PSG2: variants seen among roughly 807,000 people sequenced by gnomAD.
PSG2 encodes the protein pregnancy specific beta-1-glycoprotein 2, also known as pregnancy-specific beta-1-glycoprotein 2.
Under a neutral mutation model 36.2 loss-of-function variants are expected in PSG2, and 49 were observed. The ratio of observed to expected loss-of-function variants is 1.35; its 90% CI spans 1.08 to 1.72. The LOEUF is 1.72. Among genes scored for constraint, PSG2 ranks in the 40% most tolerant of loss-of-function variants. The pLI is 0.00. For synonymous variants in PSG2, 261 were observed against 155.6 expected (o/e 1.68, Z -5.04); for missense variants, 605 against 407.2 (o/e 1.49, Z -4.18).
intron 4 of PSG2, among the ~76,000 whole-genome samples, chr19:43,067,245 C>T (rs558988273): frequency 1.2e-4 from 18 of 151,428 alleles, no homozygotes; most frequent in South Asian, 8.3e-4. Flanking sequence ...TGGGTTCTCC[C>T]ATACTACCTT....
At position 43,081,144 on chromosome 19, in the gene PSG2, T is replaced by C; in HGVS notation, c.167A>G (p.His56Arg). 9 of 1,612,802 alleles carry C rather than the reference T, an allele frequency of 5.6e-6. No individual in the cohort carries two copies. Among genetic ancestry groups the C allele is most frequent in the Non-Finnish European group, 7.6e-6 (9 of 1,179,668 alleles). ...SEGKDVLLLV[H>R]NLPQNLTGYI... ...GCCAGTAAGATTCTGGGGCAAATTG[T>C]GGACAAGTAGAAGAACATCCTTCCC... is the stretch of plus-strand genomic sequence containing the variant. The change falls in exon 2 of 6, where the codon CAC (histidine) becomes CGC (arginine). Residue 56 changes from histidine to arginine, a missense_variant. Physicochemically the swap from His to Arg is conservative, Grantham distance 29. Transcript: ENST00000406487.
chr19:43,064,795 G>C (rs759373096), intron 5 of PSG2, among the ~76,000 whole-genome samples, 194 bp from the exon 6 acceptor site: 4 of 151,706 alleles, frequency 2.6e-5, no homozygotes, highest in Non-Finnish European at 4.4e-5. Flanking sequence ...TAACATATTT[G>C]ATTTTCAGAA....
rs1245045843 is a variant in PSG2 at position 43,081,210 on chromosome 19, G to A, written c.101C>T (p.Ala34Val). Residue 34 changes from alanine to valine, a missense_variant, in exon 2 of 6, where the codon GCC (alanine) becomes GTC (valine). Ala to Val is a moderately conservative substitution (Grantham distance 64). Transcript: ENST00000406487. ...TGGCTGGGCTTCAATCGTGACTTGG[G>A]CAGTGGTGGGCAGGTTCCAGAAGTT... ...LLNFWNLPTTAQVTIEAQPPK... is the reference protein window; with the variant it reads ...LLNFWNLPTTVQVTIEAQPPK... 2 of 1,612,574 alleles carry A rather than the reference G, an allele frequency of 1.2e-6. No homozygotes were observed. Among genetic ancestry groups the A allele is most frequent in the East Asian group, 2.2e-5 (1 of 44,830 alleles).
chr19:43,082,494 T>A lies in PSG2; in HGVS notation c.64+12A>T, dbSNP rs1967995039. 6.2e-7 allele frequency: 1 copy of A among 1,610,158 alleles called. No homozygotes were observed. The highest frequency in any genetic ancestry group is 1.7e-5 in the Admixed American group (1 of 59,876). On this transcript the variant is annotated intron_variant, in intron 1 of 5. Coordinates refer to ENST00000406487, the MANE Select transcript of PSG2 (RefSeq NM_031246.4). ...CCTCCTCCTGTCCTCTCCCAGGAAG[T>A]TCTCTCCTCACCTGTGACCAGGAGC... is the stretch of plus-strand genomic sequence containing the variant.
chr19:43,076,809 A>G (rs1967902925), intron 2 of PSG2, among the ~76,000 whole-genome samples: 1 of 144,438 alleles, frequency 6.9e-6, no homozygotes, highest in Admixed American at 6.8e-5. Flanking sequence ...CTTAAAACAA[A>G]GTGTTTTGGA....
In PSG2 at chr19:43,079,227, T is replaced by G. The variant is rs1447294348; in HGVS notation, c.430+1654A>C. Among the ~76,000 whole-genome samples the G allele has an allele frequency of 1.8e-4, 27 of 151,542 alleles. 2 individuals are homozygous for G. Among genetic ancestry groups the G allele is most frequent in the South Asian group, 1.0e-3 (5 of 4,790 alleles). ...CACCATGGCAGTGAGCAGTGAGGGC[T>G]ACACTGACGTCAGAGACCCCAGGGA... is the stretch of plus-strand genomic sequence containing the variant. On this transcript the variant is annotated intron_variant, in intron 2 of 5. Transcript: ENST00000406487.
At chr19:43,070,395 C>A (rs1408627296) in intron 4 of PSG2, among the ~76,000 whole-genome samples, 1 of 151,668 alleles carries the variant, frequency 6.6e-6, no homozygotes, top group African/African-American at 2.4e-5. Context: ...TATTTGTGCA[C>A]TGATGTTCAG....
At chr19:43,080,543 A>G (rs773727621) in intron 2 of PSG2, among the ~76,000 whole-genome samples, 7 of 151,654 alleles carry the variant, frequency 4.6e-5, no homozygotes. Flanking sequence ...GGGACCCCTC[A>G]GGCCAAGCCC....
At position 43,079,734 on chromosome 19, in the gene PSG2, A is replaced by G. The variant is rs150607946; in HGVS notation, c.430+1147T>C. ...GAGGCAGGTGATTTAGTTCTGGAGT[A>G]CAGATTAATCAGCTGACCATTTGCT... On this transcript the variant is annotated intron_variant, in intron 2 of 5. Coordinates refer to ENST00000406487, the MANE Select transcript of PSG2 (RefSeq NM_031246.4). Among the ~76,000 whole-genome samples, 281 of 151,788 alleles carry G rather than the reference A, an allele frequency of 1.9e-3. 1 individual carries two copies. The highest frequency in any genetic ancestry group is 3.3e-3 in the Non-Finnish European group (223 of 67,954).
At chr19:43,064,734 G>A (rs1418776956) in intron 5 of PSG2, 133 bp from the exon 6 acceptor site, 3 of 325,470 alleles carry the variant, frequency 9.2e-6, no homozygotes, top group Non-Finnish European at 1.8e-5. Context: ...TTATGGTAAA[G>A]ACACAGCTCA....
chr19:43,065,864 A>G (rs1189702432), intron 5 of PSG2: 1 of 151,950 alleles, frequency 6.6e-6, no homozygotes. Flanking sequence ...TTAAGTCTGC[A>G]GTGCAGATGG....
intron 2 of PSG2, among the ~76,000 whole-genome samples, chr19:43,078,398 G>C (rs1450869278): frequency 1.3e-5 from 2 of 151,718 alleles, no homozygotes; most frequent in Non-Finnish European, 2.9e-5. Context: ...GGCTGGAGTT[G>C]ACAAAATTTG....
At chr19:43,076,673 C>A (rs900340802) in intron 2 of PSG2, among the ~76,000 whole-genome samples, 1 of 151,528 alleles carries the variant, frequency 6.6e-6, no homozygotes, top group African/African-American at 2.4e-5. Context: ...GAGCTGGGAT[C>A]AGGGGAATAG....
At chr19:43,071,631 G>A (rs1455156444) in intron 4 of PSG2, 69 bp downstream of exon 4, 26 of 1,612,252 alleles carry the variant, frequency 1.6e-5, no homozygotes, top group Non-Finnish European at 2.2e-5. Context: ...ATGTTTTCCT[G>A]ACTCTTCTCT....
At chr19:43,075,992 T>C (rs1334954792) in intron 2 of PSG2, among the ~76,000 whole-genome samples, 1 of 151,594 alleles carries the variant, frequency 6.6e-6, no homozygotes, top group African/African-American at 2.4e-5. Flanking sequence ...AGTGCTGGAA[T>C]CTTCTTAGTT....
At chr19:43,073,269 T>C (rs1967845152) in intron 3 of PSG2, among the ~76,000 whole-genome samples, 1 of 151,764 alleles carries the variant, frequency 6.6e-6, no homozygotes, top group Non-Finnish European at 1.5e-5. Context: ...CAGTGACCTC[T>C]AAAGATAGAA....
chr19:43,080,482 G>T lies in PSG2; in HGVS notation c.430+399C>A, dbSNP rs574711777. 1.3e-3 allele frequency among the ~76,000 whole-genome samples: 203 copies of T among 151,840 alleles called. 6 individuals are homozygous for T. Among genetic ancestry groups the T allele is most frequent in the African/African-American group, 4.9e-3 (201 of 41,220 alleles). ...TATCTGGAGCAAGGATTTAGGGACA[G>T]GGTTTGGAGGTTGAGGTTTCTAGGG... On this transcript the variant is annotated intron_variant, in intron 2 of 5. Coordinates refer to ENST00000406487, the MANE Select transcript of PSG2 (RefSeq NM_031246.4).
intron 4 of PSG2, 109 bp downstream of exon 4, chr19:43,071,591 T>A: frequency 6.2e-7 from 1 of 1,609,528 alleles, no homozygotes; most frequent in Non-Finnish European, 8.5e-7. Flanking sequence ...GGATTTGCTT[T>A]TGCCCATGGG....
rs1293427318 is a variant in PSG2 at position 43,082,513 on chromosome 19, C to A, written c.57G>T (p.Leu19=). 2.5e-6 allele frequency: 4 copies of A among 1,611,824 alleles called. No homozygotes were observed. The African/African-American group carries it at 4.0e-5, about 16-fold the overall frequency. Residue 19 remains leucine, a synonymous_variant, in exon 1 of 6, where the codon CTG becomes CTT. Coordinates refer to ENST00000406487, the MANE Select transcript of PSG2 (RefSeq NM_031246.4). ...AGGAAGTTCTCTCCTCACCTGTGAC[C>A]AGGAGCCCCTTCCATTTGATGTGCT... The part of the protein sequence containing the change: ...CTEHIKWKGL[L]VTASLLNFWN...
Sources: gnomAD v4.1 joint callset for allele counts (sites outside exome capture counted in the v4.1 genomes callset) on GRCh38, gnomAD v4.1.1 for gene constraint, MANE v1.5 for transcripts, NCBI Gene and HGNC (gene_info 2026-07-23, HGNC 2026-07-21) for gene names.